ARMH4: variants seen among roughly 807,000 people sequenced by gnomAD.
ARMH4 encodes armadillo like helical domain containing 4, also known as armadillo-like helical domain-containing protein 4.
In ARMH4, 49 loss-of-function variants were observed where a neutral mutation model predicts 61.9. That is an observed-to-expected ratio of 0.79 (90% CI 0.63 to 1.00). The LOEUF (loss-of-function observed/expected upper bound fraction) is 1.00, where lower values mean the gene tolerates loss of function less well. Ranked by LOEUF, ARMH4 falls within the 50% of genes least tolerant of loss-of-function variation. ARMH4 has a pLI of 0.00. For synonymous variants in ARMH4, 368 were observed against 341.5 expected (o/e 1.08, Z -0.85); for missense variants, 934 against 930.0 (o/e 1.00, Z -0.06).
intron 5 of ARMH4, among the ~76,000 whole-genome samples, chr14:58,066,531 T>C (rs1884707774): frequency 6.6e-6 from 1 of 152,164 alleles, no homozygotes; most frequent in African/African-American, 2.4e-5. Flanking sequence ...CACCACTGAA[T>C]TGTACACTTT....
chr14:58,141,552 C>T (rs570095930), intron 1 of ARMH4: 5 of 516,806 alleles, frequency 9.7e-6, no homozygotes, highest in African/African-American at 7.7e-5. Flanking sequence ...AATACAACTG[C>T]GACGAGATGA....
At position 58,138,379 on chromosome 14, in the gene ARMH4, G is replaced by T. The variant is rs533151101; in HGVS notation, c.980C>A (p.Thr327Asn). Reference protein sequence around the residue: ...TKLESVSRIRTPKLGDNEETQ... With the variant: ...TKLESVSRIRNPKLGDNEETQ... The stretch of plus-strand genomic sequence containing the variant: ...CTCTTCATTGTCTCCAAGCTTGGGG[G>T]TCCTTATCCGGCTTACACTCTCTAA... The change falls in exon 2 of 8, where the codon ACC becomes AAC. Residue 327 changes from threonine (T) to asparagine (N), a missense_variant. Coordinates refer to ENST00000267485, the MANE Select transcript of ARMH4 (RefSeq NM_001001872.4). 3 of 1,613,982 alleles carry T rather than the reference G, an allele frequency of 1.9e-6. No homozygotes were observed.
intron 6 of ARMH4, among the ~76,000 whole-genome samples, chr14:58,011,267 T>C (rs1270632419): frequency 1.3e-5 from 2 of 152,226 alleles, no homozygotes; most frequent in African/African-American, 2.4e-5. Context: ...TTGAATGTTG[T>C]ATTCTTTAAT....
intron 5 of ARMH4, among the ~76,000 whole-genome samples, chr14:58,022,161 C>T (rs1882858830): frequency 6.6e-6 from 1 of 152,158 alleles, no homozygotes; most frequent in African/African-American, 2.4e-5. Context: ...CTAGAATCCA[C>T]ATGCAATCCT....
At chr14:58,081,679 T>A (rs899937227) in intron 5 of ARMH4, among the ~76,000 whole-genome samples, 1 of 151,422 alleles carries the variant, frequency 6.6e-6, no homozygotes, top group Non-Finnish European at 1.5e-5. Context: ...TTTTTTGTAT[T>A]TTTTAGTGAA....
chr14:58,126,714 G>GA (rs989038734), intron 4 of ARMH4, among the ~76,000 whole-genome samples: 3 of 148,872 alleles, frequency 2.0e-5, no homozygotes, highest in Admixed American at 6.7e-5. Context: ...TGTCAGAAAA[G>GA]AAAAAAACTG....
intron 3 of ARMH4, 57 bp from the exon 4 acceptor site, chr14:58,131,778 A>G: frequency 6.6e-7 from 1 of 1,514,144 alleles, no homozygotes. Context: ...GGCAAATGTA[A>G]GCATGTGCTT....
chr14:58,027,691 T>G (rs907423615), intron 5 of ARMH4, among the ~76,000 whole-genome samples: 2 of 152,152 alleles, frequency 1.3e-5, no homozygotes, highest in Non-Finnish European at 2.9e-5. Context: ...ACTAAGACAG[T>G]AGATGTTAAG....
intron 4 of ARMH4, among the ~76,000 whole-genome samples, chr14:58,106,587 C>G (rs370320137): frequency 2.6e-5 from 4 of 152,178 alleles, no homozygotes; most frequent in Non-Finnish European, 5.9e-5. Context: ...TGTGTCTACA[C>G]GGTACCCTCT....
chr14:58,053,974 T>G (rs1884233567), intron 5 of ARMH4, among the ~76,000 whole-genome samples: 1 of 152,208 alleles, frequency 6.6e-6, no homozygotes, highest in African/African-American at 2.4e-5. Context: ...AAGATTTAGC[T>G]TCTCTGAGTT....
At chr14:58,084,684 T>C (rs1310317000) in intron 5 of ARMH4, among the ~76,000 whole-genome samples, 3 of 152,186 alleles carry the variant, frequency 2.0e-5, no homozygotes, top group African/African-American at 4.8e-5. Context: ...AACTGAGAGA[T>C]GGAAGGTGTA....
intron 5 of ARMH4, among the ~76,000 whole-genome samples, chr14:58,080,462 G>A (rs1482895000): frequency 1.3e-5 from 2 of 152,162 alleles, no homozygotes; most frequent in African/African-American, 4.8e-5. Context: ...AAAGAATTCT[G>A]TCTGTAATGA....
intron 5 of ARMH4, among the ~76,000 whole-genome samples, chr14:58,024,688 T>G (rs1311131452): frequency 2.6e-5 from 4 of 152,198 alleles, no homozygotes; most frequent in African/African-American, 9.6e-5. Context: ...GCTTAACATT[T>G]ATAGCCTTTG....
At chr14:58,043,641 A>C (rs999031373) in intron 5 of ARMH4, among the ~76,000 whole-genome samples, 47 of 152,222 alleles carry the variant, frequency 3.1e-4, no homozygotes, top group Non-Finnish European at 1.2e-4. Flanking sequence ...AGGGTATTCA[A>C]TTAGGAAAAG....
At chr14:58,012,444 C>T (rs1882445125) in intron 5 of ARMH4, among the ~76,000 whole-genome samples, 1 of 152,104 alleles carries the variant, frequency 6.6e-6, no homozygotes, top group Admixed American at 6.6e-5. Flanking sequence ...AAGCGAAAAT[C>T]ACCTTTAAAA....
chr14:58,068,844 TA>T (rs766192654), intron 5 of ARMH4, among the ~76,000 whole-genome samples: 1 of 151,828 alleles, frequency 6.6e-6, no homozygotes, highest in Non-Finnish European at 1.5e-5. Flanking sequence ...CCATCTCTAC[TA>T]AAAATACAAA....
At position 58,003,596 on chromosome 14, in the gene ARMH4, T is replaced by C. The variant is rs934355037; in HGVS notation, c.*1140A>G. On this transcript the variant is annotated 3_prime_UTR_variant, in exon 8 of 8. Transcript: ENST00000267485. ...TAGCGCATTGGAATATCCTATTTTG[T>C]ATAGGGCAGGGAATTACATTCCAAG... The C allele has an allele frequency of 6.6e-6, 1 of 152,240 alleles. No individual in the cohort carries two copies. The highest frequency in any genetic ancestry group is 1.5e-5 in the Non-Finnish European group (1 of 68,042). The allele number at this position is 152,240 out of a possible 1,614,324, so 9.4% of individuals were successfully genotyped here.
At chr14:58,014,698 T>C (rs1882538816) in intron 5 of ARMH4, among the ~76,000 whole-genome samples, 1 of 152,242 alleles carries the variant, frequency 6.6e-6, no homozygotes. Context: ...TCAGGCATTA[T>C]GCTCTAAAGT....
chr14:58,118,934 C>G (rs934999358), intron 4 of ARMH4, among the ~76,000 whole-genome samples: 2 of 152,150 alleles, frequency 1.3e-5, no homozygotes, highest in African/African-American at 2.4e-5. Context: ...CCAGAGGGAG[C>G]AGCACCAGGC....
Sources: gnomAD v4.1 joint callset for allele counts (sites outside exome capture counted in the v4.1 genomes callset) on GRCh38, gnomAD v4.1.1 for gene constraint, MANE v1.5 for transcripts, NCBI Gene and HGNC (gene_info 2026-07-23, HGNC 2026-07-21) for gene names.